The following DMAC2L variants were observed in gnomAD, a reference collection of about 807,000 sequenced individuals.
The protein encoded by DMAC2L is ATP synthase subunit s, mitochondrial.
A neutral mutation model predicts 22.5 loss-of-function variants in DMAC2L; 21 were observed. The observed-to-expected ratio is 0.93, with a 90% CI of 0.66 to 1.34. DMAC2L has a LOEUF of 1.34. DMAC2L is among the 40% of genes most tolerant of loss of function. The pLI, the probability that DMAC2L is intolerant of heterozygous loss-of-function variation, is 0.00. For synonymous variants in DMAC2L, 86 were observed against 89.5 expected (o/e 0.96, Z 0.22); for missense variants, 239 against 246.5 (o/e 0.97, Z 0.20).
At chr14:50,319,065 G>A (rs2032051193) in intron 2 of DMAC2L, 1 of 985,408 alleles carries the variant, frequency 1.0e-6, no homozygotes, top group Non-Finnish European at 1.2e-6. Context: ...TTGAGGTTGG[G>A]TGGGATTTCC....
intron 2 of DMAC2L, chr14:50,318,852 T>C (rs2032034083): frequency 5.3e-6 from 1 of 190,226 alleles, no homozygotes; most frequent in Non-Finnish European, 9.7e-6. Context: ...GGGTGTTATT[T>C]ATCTCTTTAT....
chr14:50,326,623 A>C lies in DMAC2L; in HGVS notation c.*900A>C, dbSNP rs1235892838. 1.0e-6 allele frequency: 1 copy of C among 985,348 alleles called. No homozygotes were observed. Among genetic ancestry groups the C allele is most frequent in the Non-Finnish European group, 1.2e-6 (1 of 829,934 alleles). 61.0% of individuals were successfully genotyped at this position (985,348 alleles called of 1,614,324 possible). Reference sequence around the variant, plus strand: ...CTTAATTTGTCTATTTTGTAAGCTTAGGCTACTATTTTATTAAAACTGGAC... The same window carrying C: ...CTTAATTTGTCTATTTTGTAAGCTTCGGCTACTATTTTATTAAAACTGGAC... On this transcript the variant is annotated 3_prime_UTR_variant, in exon 6 of 6. Coordinates refer to ENST00000557421, the MANE Select transcript of DMAC2L (RefSeq NM_001382507.1).
chr14:50,326,420 G>T lies in DMAC2L; in HGVS notation c.*697G>T. ...GTTAGTGAAGCATACTACCATAAATGCACAATTATGAAAAATTAGAAGCTA... is the reference window on the plus strand; with the variant it reads ...GTTAGTGAAGCATACTACCATAAATTCACAATTATGAAAAATTAGAAGCTA... On this transcript the variant is annotated 3_prime_UTR_variant, in exon 6 of 6. Coordinates refer to ENST00000557421, the MANE Select transcript of DMAC2L (RefSeq NM_001382507.1). The T allele has an allele frequency of 1.0e-6, 1 of 974,068 alleles. No homozygotes were observed. The highest frequency in any genetic ancestry group is 1.2e-6 in the Non-Finnish European group (1 of 819,750). 60.3% of individuals were successfully genotyped at this position (974,068 alleles called of 1,614,324 possible). A position where few individuals can be genotyped will look rare whatever the true frequency, so the allele number is the denominator to read the frequency against.
intron 5 of DMAC2L, chr14:50,324,602 T>G (rs2032560995): frequency 6.6e-6 from 1 of 152,408 alleles, no homozygotes; most frequent in South Asian, 2.1e-4. Context: ...ATCCACTGGT[T>G]AGGAAAGCTG....
Position 50,314,611 on chromosome 14 carries a change from A to G in DMAC2L, c.-21A>G, listed in dbSNP as rs938695453. 2.6e-5 allele frequency: 12 copies of G among 455,138 alleles called. No individual in the cohort carries two copies. Among genetic ancestry groups the G allele is most frequent in the Non-Finnish European group, 4.4e-5 (10 of 226,794 alleles). 28.2% of individuals were successfully genotyped at this position (455,138 alleles called of 1,614,324 possible). A position where few individuals can be genotyped will look rare whatever the true frequency, so the allele number is the denominator to read the frequency against. ...TCTAGGATAAGTGCCCAAGAGTACA[A>G]TTGCTGGGTCATATGGTAAGTGCAT... On this transcript the variant is annotated 5_prime_UTR_variant, in exon 2 of 6. Coordinates refer to ENST00000557421, the MANE Select transcript of DMAC2L (RefSeq NM_001382507.1).
At chr14:50,319,092 G>T (rs2032053426) in intron 2 of DMAC2L, 1 of 1,461,376 alleles carries the variant, frequency 6.8e-7, no homozygotes, top group Non-Finnish European at 9.0e-7. Context: ...TGATGGTGAT[G>T]GGGGAGGGAG....
rs60159969 is a variant in DMAC2L, at chr14:50,322,384, A to ATACG, written c.108-126_108-125insACGT. ...TGTTTTTTTTGCATGGATCTCACTA[A>ATACG]TTTATCTTCCTCGTCAGTCACTTGA... On this transcript the variant is annotated intron_variant, in intron 3 of 5. Coordinates refer to ENST00000557421, the MANE Select transcript of DMAC2L (RefSeq NM_001382507.1). The ATACG allele has an allele frequency of 1.4e-3, 1,390 of 975,632 alleles. 38 individuals carry two copies. In the East Asian group the frequency reaches 0.029, roughly 20 times the overall value. The allele number at this position is 975,632 out of a possible 1,614,324, so 60.4% of individuals were successfully genotyped here. A position where few individuals can be genotyped will look rare whatever the true frequency, so the allele number is the denominator to read the frequency against.
chr14:50,312,529 A>T (rs1294161271), intron 1 of DMAC2L, 140 bp downstream of exon 1: 2 of 340,852 alleles, frequency 5.9e-6, no homozygotes, highest in Non-Finnish European at 1.1e-5. Flanking sequence ...CCATGCGGAC[A>T]TGGGGCCGTG....
At chr14:50,312,897 T>A in intron 1 of DMAC2L, 2 of 983,436 alleles carry the variant, frequency 2.0e-6, no homozygotes, top group Admixed American at 2.1e-5. Flanking sequence ...GTCTTGTAAA[T>A]ATGGAGCGCC....
At chr14:50,318,644 T>G (rs1326650681) in intron 2 of DMAC2L, among the ~76,000 whole-genome samples, 1 of 152,226 alleles carries the variant, frequency 6.6e-6, no homozygotes, top group African/African-American at 2.4e-5. Flanking sequence ...GCCATCCTTG[T>G]TCTTTTACTT....
At chr14:50,312,938 G>A in intron 1 of DMAC2L, 1 of 1,550,214 alleles carries the variant, frequency 6.5e-7, no homozygotes, top group Admixed American at 1.7e-5. Flanking sequence ...ACTGGGTACC[G>A]GAAGAACCAG....
At position 50,326,067 on chromosome 14, in the gene DMAC2L, C is replaced by T. The variant is rs1396591607; in HGVS notation, c.*344C>T. ...CCAACATGGTGAAACCCCATCTCTA[C>T]TAAAAAAACAAAATTAGCTGAATGT... On this transcript the variant is annotated 3_prime_UTR_variant, in exon 6 of 6. Transcript: ENST00000557421. 2 of 348,640 alleles carry T rather than the reference C, an allele frequency of 5.7e-6. No individual in the cohort carries two copies. Among genetic ancestry groups the T allele is most frequent in the Non-Finnish European group, 8.1e-6 (2 of 245,878 alleles). 21.6% of individuals were successfully genotyped at this position (348,640 alleles called of 1,614,324 possible).
At chr14:50,322,765 A>G in intron 4 of DMAC2L, 46 bp downstream of exon 4, 1 of 1,611,172 alleles carries the variant, frequency 6.2e-7, no homozygotes, top group Non-Finnish European at 8.5e-7. Flanking sequence ...GATGATTTGC[A>G]GTGACCATTT....
intron 2 of DMAC2L, chr14:50,319,252 G>C: frequency 6.5e-7 from 1 of 1,536,092 alleles, no homozygotes; most frequent in East Asian, 2.4e-5. Flanking sequence ...AGGTAGTGGA[G>C]CAGAGGCTTG....
chr14:50,324,936 C>T (rs1172694924), intron 5 of DMAC2L, among the ~76,000 whole-genome samples: 1 of 152,084 alleles, frequency 6.6e-6, no homozygotes, highest in Non-Finnish European at 1.5e-5. Context: ...CCACCACGCC[C>T]GGCTAATGTT....
At chr14:50,320,583 CTTTG>C (rs367773186) in intron 2 of DMAC2L, among the ~76,000 whole-genome samples, 86 of 152,260 alleles carry the variant, frequency 5.6e-4, no homozygotes, top group African/African-American at 1.9e-3. Context: ...TTCCTGGCAC[CTTTG>C]TTTGTTGAAA....
At chr14:50,312,141 C>A, upstream of DMAC2L, 1 of 1,610,454 alleles carries the variant, frequency 6.2e-7, no homozygotes, top group South Asian at 1.1e-5. Context: ...TAACGCAGCG[C>A]TGGCACCATC....
chr14:50,321,537 T>C lies in DMAC2L; in HGVS notation c.50T>C (p.Leu17Pro). ...ISQQLCGVKKLPWSCDSRYFW... is the reference protein window; with the variant it reads ...ISQQLCGVKKPPWSCDSRYFW... ...CAGCAGTTGTGTGGCGTAAAGAAAC[T>C]CCCATGGTCATGTGACTCCAGATAC... is the stretch of plus-strand genomic sequence containing the variant. Residue 17 changes from leucine (L) to proline (P), a missense_variant, in exon 3 of 6, where the codon CTC (leucine) becomes CCC (proline). Leu to Pro is a moderately conservative substitution (Grantham distance 98). Coordinates refer to ENST00000557421, the MANE Select transcript of DMAC2L (RefSeq NM_001382507.1). The C allele has an allele frequency of 6.2e-7, 1 of 1,614,118 alleles. No homozygotes were observed. Among genetic ancestry groups the C allele is most frequent in the Non-Finnish European group, 8.5e-7 (1 of 1,179,984 alleles).
chr14:50,319,768 A>G (rs1327469332), intron 2 of DMAC2L, among the ~76,000 whole-genome samples: 1 of 152,166 alleles, frequency 6.6e-6, no homozygotes, highest in East Asian at 1.9e-4. Context: ...AACTAAAAGA[A>G]AAAAATCTGA....
Sources: allele counts gnomAD v4.1 joint callset (sites outside exome capture counted in the v4.1 genomes callset), GRCh38; gene constraint gnomAD v4.1.1; transcripts MANE v1.5; gene names NCBI Gene and HGNC (gene_info 2026-07-23, HGNC 2026-07-21).